Variants in ENOX1 observed in about 807,000 individuals in gnomAD.
ENOX1 encodes candidate growth-related and time keeping constitutive hydroquinone (NADH) oxidase.
A neutral mutation model predicts 82.5 loss-of-function variants in ENOX1; 42 were observed. The observed-to-expected ratio is 0.51, with a 90% confidence interval of 0.40 to 0.66. The LOEUF is 0.66. Among genes scored for constraint, ENOX1 ranks in the 30% least tolerant of loss-of-function variants. The pLI is 0.00. For synonymous variants in ENOX1, 271 were observed against 282.2 expected (o/e 0.96, Z 0.40); for missense variants, 608 against 811.6 (o/e 0.75, Z 3.05).
intron 1 of ENOX1, among the ~76,000 whole-genome samples, chr13:43,691,888 G>A (rs773731744): frequency 6.6e-6 from 1 of 151,982 alleles, no homozygotes; most frequent in Non-Finnish European, 1.5e-5. Context: ...TTTTAGTAGA[G>A]ATGGGGTTTC....
chr13:43,399,642 TTCCC>T (rs2053376356), intron 5 of ENOX1, among the ~76,000 whole-genome samples: 1 of 152,228 alleles, frequency 6.6e-6, no homozygotes, highest in Admixed American at 6.5e-5. Flanking sequence ...ATGATGATTA[TTCCC>T]TCCTTCTTTA....
intron 2 of ENOX1, among the ~76,000 whole-genome samples, chr13:43,493,532 G>T (rs138793029): frequency 9.2e-5 from 14 of 152,330 alleles, no homozygotes; most frequent in African/African-American, 3.4e-4. Context: ...GAAAGAGCGA[G>T]AATTCACCAT....
At position 43,574,216 on chromosome 13, in the gene ENOX1, C is replaced by T. The variant is rs143668878; in HGVS notation, c.-218-90064G>A. Among the ~76,000 whole-genome samples the T allele has an allele frequency of 8.1e-4, 123 of 152,198 alleles. 1 individual carries two copies. The highest frequency in any genetic ancestry group is 1.1e-3 in the Non-Finnish European group (75 of 68,006). The stretch of plus-strand genomic sequence containing the variant: ...AATGCTGCATATGACAGACTAAGTG[C>T]TATTTAAAATGTAATAATATATCTG... On this transcript the variant is annotated intron_variant, in intron 2 of 16. Transcript: ENST00000690772.
intron 5 of ENOX1, among the ~76,000 whole-genome samples, chr13:43,391,018 G>A (rs562696028): frequency 2.0e-5 from 3 of 152,144 alleles, no homozygotes; most frequent in South Asian, 2.1e-4. Flanking sequence ...CATCTCACCC[G>A]TTTCTTATGA....
intron 9 of ENOX1, among the ~76,000 whole-genome samples, chr13:43,334,807 A>G (rs1326241890): frequency 1.3e-5 from 2 of 152,160 alleles, no homozygotes; most frequent in African/African-American, 4.8e-5. Flanking sequence ...CATTTTGTCT[A>G]AAATCCAGTC....
intron 2 of ENOX1, among the ~76,000 whole-genome samples, chr13:43,512,370 G>T (rs1386282663): frequency 6.6e-6 from 1 of 151,994 alleles, no homozygotes; most frequent in Non-Finnish European, 1.5e-5. Flanking sequence ...CTCAAGTGAT[G>T]GGTGAACAAA....
At chr13:43,782,188 T>C (rs1952311553) in intron 1 of ENOX1, among the ~76,000 whole-genome samples, 1 of 152,174 alleles carries the variant, frequency 6.6e-6, no homozygotes, top group Non-Finnish European at 1.5e-5. Flanking sequence ...ATCTTGCACA[T>C]GAAAATAGGA....
intron 1 of ENOX1, among the ~76,000 whole-genome samples, chr13:43,724,522 G>A (rs1232969209): frequency 6.6e-6 from 1 of 152,192 alleles, no homozygotes; most frequent in Admixed American, 6.5e-5. Flanking sequence ...CTATTTGCCT[G>A]TACCTATGCA....
chr13:43,552,438 C>T (rs113527054), intron 2 of ENOX1, among the ~76,000 whole-genome samples: 229 of 152,168 alleles, frequency 1.5e-3, no homozygotes, highest in African/African-American at 5.5e-3. Context: ...TATTCCCTCC[C>T]TTCTTCTTTC....
chr13:43,700,138 G>C (rs190501027), intron 1 of ENOX1, among the ~76,000 whole-genome samples: 9 of 152,146 alleles, frequency 5.9e-5, no homozygotes, highest in Non-Finnish European at 1.0e-4. Flanking sequence ...AAACTCACTT[G>C]TACATTCATA....
At chr13:43,222,054 G>A (rs1472319140) in intron 16 of ENOX1, among the ~76,000 whole-genome samples, 1 of 152,160 alleles carries the variant, frequency 6.6e-6, no homozygotes, top group African/African-American at 2.4e-5. Flanking sequence ...AAGATGGAGA[G>A]CTATCTGGGA....
chr13:43,630,566 A>C (rs1326522407), intron 2 of ENOX1, among the ~76,000 whole-genome samples: 2 of 152,118 alleles, frequency 1.3e-5, no homozygotes, highest in East Asian at 3.9e-4. Context: ...ACTACAAAGA[A>C]ACATATACAC....
At chr13:43,671,721 GA>G (rs2153791271) in intron 1 of ENOX1, among the ~76,000 whole-genome samples, 1 of 152,202 alleles carries the variant, frequency 6.6e-6, no homozygotes, top group African/African-American at 2.4e-5. Context: ...CTATTTTGTG[GA>G]AGGGGAAGAG....
intron 1 of ENOX1, among the ~76,000 whole-genome samples, chr13:43,783,014 T>C (rs921188934): frequency 5.9e-5 from 9 of 152,234 alleles, no homozygotes; most frequent in Non-Finnish European, 1.2e-4. Context: ...ACCAACAGTA[T>C]GTCCATTGCT....
chr13:43,309,956 C>T (rs1566479873), intron 11 of ENOX1, among the ~76,000 whole-genome samples: 1 of 152,180 alleles, frequency 6.6e-6, no homozygotes, highest in Non-Finnish European at 1.5e-5. Context: ...GTAATCCCAG[C>T]ACTTTGGGAG....
At chr13:43,519,587 C>G (rs2077683912) in intron 2 of ENOX1, among the ~76,000 whole-genome samples, 1 of 152,102 alleles carries the variant, frequency 6.6e-6, no homozygotes, top group South Asian at 2.1e-4. Flanking sequence ...CTCACCACAG[C>G]ACGTGGCAGA....
chr13:43,565,556 C>T (rs2079880754), intron 2 of ENOX1, among the ~76,000 whole-genome samples: 1 of 152,010 alleles, frequency 6.6e-6, no homozygotes, highest in South Asian at 2.1e-4. Context: ...GGAAGGATAA[C>T]CAGGGTGGTC....
At chr13:43,602,390 G>T (rs1391384481) in intron 2 of ENOX1, among the ~76,000 whole-genome samples, 5 of 151,964 alleles carry the variant, frequency 3.3e-5, no homozygotes, top group Non-Finnish European at 5.9e-5. Flanking sequence ...TGGTAAAATG[G>T]ATGGCAAATA....
At chr13:43,590,545 T>C (rs968880) in intron 2 of ENOX1, among the ~76,000 whole-genome samples, 148,102 of 152,038 alleles carry the variant, frequency 0.97, 72,251 homozygotes, top group Non-Finnish European at 1. Context: ...GAGGCCAAGG[T>C]GGGCAGATCA....
Sources: allele counts gnomAD v4.1 joint callset (sites outside exome capture counted in the v4.1 genomes callset), GRCh38; gene constraint gnomAD v4.1.1; transcripts MANE v1.5; gene names NCBI Gene and HGNC (gene_info 2026-07-23, HGNC 2026-07-21).